The following PALD1 variants were observed in gnomAD, a reference collection of about 807,000 sequenced individuals.
PALD1 encodes paladin.
PALD1 carries 57 observed loss-of-function variants against 96.0 expected under a neutral mutation model. That is an observed-to-expected ratio of 0.59 (90% CI 0.48 to 0.74). PALD1 has a LOEUF of 0.74. Among genes scored for constraint, PALD1 ranks in the 30% least tolerant of loss-of-function variants. PALD1 has a pLI of 0.00. For missense variants in PALD1, 1,063 were observed against 1,143.7 expected (o/e 0.93, Z 1.02); for synonymous variants, 464 against 473.6 (o/e 0.98, Z 0.26).
At chr10:70,564,578 G>C (rs1281044612) in intron 19 of PALD1, 59 bp downstream of exon 19, 5 of 1,545,932 alleles carry the variant, frequency 3.2e-6, no homozygotes, top group Non-Finnish European at 4.4e-6. Flanking sequence ...ATGGAGCTGG[G>C]TCACAGCCAC....
At chr10:70,565,885 C>CA in intron 19 of PALD1, among the ~76,000 whole-genome samples, 1 of 152,238 alleles carries the variant, frequency 6.6e-6, no homozygotes, top group South Asian at 2.1e-4. Flanking sequence ...ATCCCCTCCC[C>CA]AGCTGAATCC....
chr10:70,477,459 A>G (rs377137692), upstream of PALD1, among the ~76,000 whole-genome samples: 38 of 152,290 alleles, frequency 2.5e-4, 1 homozygote, highest in African/African-American at 8.2e-4. Context: ...CAAGGCCACT[A>G]TGGGATTTTC....
At chr10:70,558,679 T>C (rs1847666853) in intron 18 of PALD1, among the ~76,000 whole-genome samples, 2 of 145,658 alleles carry the variant, frequency 1.4e-5, no homozygotes, top group South Asian at 4.6e-4. Context: ...AGAAGAATTT[T>C]AGCAAATTCT....
Position 70,531,416 on chromosome 10 carries a change from G to T in PALD1, c.595G>T (p.Val199Phe). The T allele has an allele frequency of 6.2e-7, 1 of 1,614,064 alleles. No homozygotes were observed. The highest frequency in any genetic ancestry group is 8.5e-7 in the Non-Finnish European group (1 of 1,179,970). The part of the protein sequence containing the change: ...HENLQGLGPG[V>F]RVESLELAIR... ...GAACCTCCAGGGCCTTGGACCCGGG[G>T]TCCGGGTGGAGAGCCTGGAGCTGGC... Residue 199 changes from valine to phenylalanine, a missense_variant, in exon 5 of 20, where the codon GTC becomes TTC. By Grantham distance (50) the Val-to-Phe change is conservative. Coordinates refer to ENST00000263563, the MANE Select transcript of PALD1 (RefSeq NM_014431.3).
At position 70,533,906 on chromosome 10, in the gene PALD1, T is replaced by A. The variant is rs764558615; in HGVS notation, c.871-16T>A. ...TCCTGGTCTCACTGGGGCCTGATCC[T>A]CATGGTCTTTCCCAGGAGACCCCCA... On this transcript the variant is annotated splice_polypyrimidine_tract_variant and intron_variant, in intron 7 of 19. Coordinates refer to ENST00000263563, the MANE Select transcript of PALD1 (RefSeq NM_014431.3). The A allele has an allele frequency of 7.0e-6, 11 of 1,569,706 alleles. No homozygotes were observed. The East Asian group carries it at 2.5e-4, about 36-fold the overall frequency.
At chr10:70,534,220 T>G in intron 8 of PALD1, 147 bp downstream of exon 8, 1 of 1,031,176 alleles carries the variant, frequency 9.7e-7, no homozygotes, top group African/African-American at 1.6e-5. Context: ...GCCACGAGAC[T>G]TGCTGGGAGA....
intron 1 of PALD1, among the ~76,000 whole-genome samples, chr10:70,508,348 T>C (rs1204386595): frequency 6.6e-6 from 1 of 152,204 alleles, no homozygotes. Context: ...TGCCAAGGCC[T>C]GTTGATGGTG....
In PALD1 at chr10:70,497,449, C is replaced by A. The variant is rs191108697; in HGVS notation, c.-30+18390C>A. ...TCCTCAGCGCCACTCGCACAGCTCTCCTGACTGTGCCAACTCTCTGGGTGG... is the reference window on the plus strand; with the variant it reads ...TCCTCAGCGCCACTCGCACAGCTCTACTGACTGTGCCAACTCTCTGGGTGG... On this transcript the variant is annotated intron_variant, in intron 1 of 19. Transcript: ENST00000263563. 2.8e-4 allele frequency among the ~76,000 whole-genome samples: 42 copies of A among 152,368 alleles called. No homozygotes were observed. In the East Asian group the frequency reaches 7.7e-3, roughly 28 times the overall value.
intron 1 of PALD1, among the ~76,000 whole-genome samples, chr10:70,491,008 C>A (rs954291290): frequency 1.3e-5 from 2 of 151,886 alleles, no homozygotes; most frequent in African/African-American, 4.8e-5. Flanking sequence ...AGGCATGGTG[C>A]GATCTGGGCT....
At chr10:70,482,879 A>G (rs1845957430) in intron 1 of PALD1, among the ~76,000 whole-genome samples, 1 of 152,116 alleles carries the variant, frequency 6.6e-6, no homozygotes, top group Non-Finnish European at 1.5e-5. Flanking sequence ...CTCAGTAAAC[A>G]TTAGGTGCTT....
chr10:70,564,577 G>T, intron 19 of PALD1, 58 bp downstream of exon 19: 2 of 1,546,764 alleles, frequency 1.3e-6, no homozygotes, highest in East Asian at 4.5e-5. Flanking sequence ...GATGGAGCTG[G>T]GTCACAGCCA....
At chr10:70,459,331 G>A in the PALD1 span, among the ~76,000 whole-genome samples, 1 of 152,180 alleles carries the variant, frequency 6.6e-6, no homozygotes, top group Non-Finnish European at 1.5e-5. Context: ...GCTAATTGAA[G>A]CTTAAGTTTC....
At chr10:70,543,785 G>A (rs774399153) in intron 17 of PALD1, among the ~76,000 whole-genome samples, 2 of 152,140 alleles carry the variant, frequency 1.3e-5, no homozygotes, top group Non-Finnish European at 2.9e-5. Flanking sequence ...ACCAGGCCCC[G>A]TGCTGGGAGC....
chr10:70,550,068 G>A (rs1847450655), intron 18 of PALD1, among the ~76,000 whole-genome samples: 1 of 152,326 alleles, frequency 6.6e-6, no homozygotes, highest in Non-Finnish European at 1.5e-5. Context: ...TGACCTACCT[G>A]GCCAAATTCT....
chr10:70,507,664 C>T (rs1031308306), intron 1 of PALD1, among the ~76,000 whole-genome samples: 4 of 152,070 alleles, frequency 2.6e-5, no homozygotes, highest in East Asian at 1.9e-4. Flanking sequence ...TCAAGCTATC[C>T]GCCAGCCTTG....
At position 70,526,216 on chromosome 10, in the gene PALD1, C is replaced by G. The variant is rs751124336; in HGVS notation, c.185+80C>G. The G allele has an allele frequency of 9.6e-6, 11 of 1,147,620 alleles. No homozygotes were observed. In the South Asian group the frequency reaches 1.5e-4, roughly 16 times the overall value. 71.1% of individuals were successfully genotyped at this position (1,147,620 alleles called of 1,614,324 possible). A position where few individuals can be genotyped will look rare whatever the true frequency, so the allele number is the denominator to read the frequency against. On this transcript the variant is annotated intron_variant, in intron 2 of 19. Coordinates refer to ENST00000263563, the MANE Select transcript of PALD1 (RefSeq NM_014431.3). ...ACCTGCTTGGGGGTGCAGTGGCATA[C>G]AGCACTTAACGCTTGCAGACTGGAT...
intron 1 of PALD1, among the ~76,000 whole-genome samples, chr10:70,499,300 T>C (rs1232299691): frequency 6.6e-6 from 1 of 152,228 alleles, no homozygotes; most frequent in Non-Finnish European, 1.5e-5. Flanking sequence ...TCTTGTCACC[T>C]CTCTGGCCTG....
Position 70,568,161 on chromosome 10 carries a change from A to G in PALD1, c.*1428A>G, listed in dbSNP as rs900713972. On this transcript the variant is annotated 3_prime_UTR_variant, in exon 20 of 20. Coordinates refer to ENST00000263563, the MANE Select transcript of PALD1 (RefSeq NM_014431.3). The stretch of plus-strand genomic sequence containing the variant: ...CTACCTTTTCAGGTTTATTGTTTTT[A>G]TTTTTGCATGAATTAAGACGTTTTA... 1 of 152,266 alleles carries G rather than the reference A, an allele frequency of 6.6e-6. No individual in the cohort carries two copies. Among genetic ancestry groups the G allele is most frequent in the Non-Finnish European group, 1.5e-5 (1 of 67,986 alleles). 9.4% of individuals were successfully genotyped at this position (152,266 alleles called of 1,614,324 possible).
At chr10:70,555,206 C>T (rs1443549896) in intron 18 of PALD1, among the ~76,000 whole-genome samples, 1 of 150,706 alleles carries the variant, frequency 6.6e-6, no homozygotes, top group Admixed American at 6.6e-5. Context: ...AACTCCTGGA[C>T]TCAAGTGATC....
Sources: gnomAD v4.1 joint callset for allele counts (sites outside exome capture counted in the v4.1 genomes callset) on GRCh38, gnomAD v4.1.1 for gene constraint, MANE v1.5 for transcripts, NCBI Gene and HGNC (gene_info 2026-07-23, HGNC 2026-07-21) for gene names.